The following CYP20A1 variants were observed in gnomAD, a reference collection of about 807,000 sequenced individuals.
The protein encoded by CYP20A1 is cytochrome P450 20A1.
In CYP20A1, 61 loss-of-function variants were observed where a neutral mutation model predicts 61.4. The ratio of observed to expected loss-of-function variants is 0.99; its 90% CI spans 0.81 to 1.23. The LOEUF (loss-of-function observed/expected upper bound fraction) is 1.23. Among genes scored for constraint, CYP20A1 ranks in the 50% most tolerant of loss-of-function variants. The pLI is 0.00. For missense variants in CYP20A1, 530 were observed against 542.4 expected (o/e 0.98, Z 0.23); for synonymous variants, 193 against 188.2 (o/e 1.03, Z -0.21).
At chr2:203,248,102 G>A (rs1482731946) in intron 3 of CYP20A1, among the ~76,000 whole-genome samples, 2 of 152,114 alleles carry the variant, frequency 1.3e-5, no homozygotes, top group Non-Finnish European at 1.5e-5. Flanking sequence ...ACATGTGCCT[G>A]TAGACCTAGC....
At chr2:203,253,813 T>C (rs1169559075) in intron 4 of CYP20A1, among the ~76,000 whole-genome samples, 1 of 152,054 alleles carries the variant, frequency 6.6e-6, no homozygotes, top group African/African-American at 2.4e-5. Context: ...TTTTTTTTTT[T>C]CCTTTAACCT....
At chr2:203,267,903 G>A (rs1024329045) in intron 5 of CYP20A1, among the ~76,000 whole-genome samples, 6 of 150,452 alleles carry the variant, frequency 4.0e-5, no homozygotes, top group African/African-American at 1.2e-4. Flanking sequence ...TCCAGTTGCT[G>A]ATATTTATCC....
chr2:203,271,025 T>C (rs1374451071), intron 5 of CYP20A1, among the ~76,000 whole-genome samples: 2 of 136,016 alleles, frequency 1.5e-5, no homozygotes, highest in Non-Finnish European at 3.1e-5. Context: ...TTTAATAGTT[T>C]GAGTGTATAT....
chr2:203,254,089 G>C (rs1318539056), intron 4 of CYP20A1, among the ~76,000 whole-genome samples: 1 of 128,312 alleles, frequency 7.8e-6, no homozygotes, highest in East Asian at 2.4e-4. Context: ...TGGGATTACA[G>C]GCGCCTGCCA....
chr2:203,278,474 A>G, intron 6 of CYP20A1, 99 bp from the exon 7 acceptor site: 1 of 497,880 alleles, frequency 2.0e-6, no homozygotes, highest in Non-Finnish European at 3.6e-6. Flanking sequence ...CTAACTTTGA[A>G]GGTTTTCTTC....
chr2:203,288,062 T>TCTC (rs55965005), intron 9 of CYP20A1, among the ~76,000 whole-genome samples: 18 of 19,090 alleles, frequency 9.4e-4, no homozygotes, highest in Admixed American at 2.0e-3. Context: ...TCTCTCTCTC[T>TCTC]TTTTTTTTTT....
In CYP20A1 at chr2:203,305,697, T is replaced by A. The variant is rs373993556; in HGVS notation, c.*8789T>A. On this transcript the variant is annotated 3_prime_UTR_variant, in exon 13 of 13. Transcript: ENST00000356079. ...CACTTGATGGTATGAAATGAAATTT[T>A]GTTACTTTACCATTGTAACTATGTC... is the stretch of plus-strand genomic sequence containing the variant. 6.6e-6 allele frequency: 1 copy of A among 152,244 alleles called. No individual in the cohort carries two copies. Among genetic ancestry groups the A allele is most frequent in the African/African-American group, 2.4e-5 (1 of 41,468 alleles). 9.4% of individuals were successfully genotyped at this position (152,244 alleles called of 1,614,324 possible).
At chr2:203,263,285 G>A (rs988482789) in intron 4 of CYP20A1, among the ~76,000 whole-genome samples, 11 of 147,766 alleles carry the variant, frequency 7.4e-5, no homozygotes, top group African/African-American at 2.8e-4. Flanking sequence ...CACTGCGCCT[G>A]GCTTTTTTTT....
chr2:203,271,079 TATA>T (rs1235674735), intron 5 of CYP20A1, among the ~76,000 whole-genome samples: 915 of 69,646 alleles, frequency 0.013, 31 homozygotes, highest in African/African-American at 0.03. Context: ...TATATATATA[TATA>T]TTTTTTTTTT....
chr2:203,257,372 C>T (rs961507956), intron 4 of CYP20A1, among the ~76,000 whole-genome samples: 7 of 151,456 alleles, frequency 4.6e-5, no homozygotes, highest in Non-Finnish European at 7.4e-5. Context: ...TCCTTTCCCT[C>T]TTCTATAACT....
chr2:203,301,994 C>T lies in CYP20A1; in HGVS notation c.*5086C>T, dbSNP rs562366533. Among the ~76,000 whole-genome samples the T allele has an allele frequency of 5.6e-5, 8 of 142,880 alleles. No homozygotes were observed. The South Asian group carries it at 1.4e-3, about 24-fold the overall frequency. 93.7% of individuals were successfully genotyped at this position (142,880 alleles called of 152,430 possible). On this transcript the variant is annotated 3_prime_UTR_variant, in exon 13 of 13. Coordinates refer to ENST00000356079, the MANE Select transcript of CYP20A1 (RefSeq NM_177538.3). ...AGGCTGGAGTGCCATGGCACCATCT[C>T]GGCTCACTGCAACCTCTGCTTCCCA...
At chr2:203,247,569 T>G (rs541790376) in intron 3 of CYP20A1, among the ~76,000 whole-genome samples, 1 of 150,896 alleles carries the variant, frequency 6.6e-6, no homozygotes, top group South Asian at 2.1e-4. Flanking sequence ...CTAAAAAGAG[T>G]ATTAATGGGC....
chr2:203,304,401 G>A lies in CYP20A1; in HGVS notation c.*7493G>A, dbSNP rs2069145025. 6.6e-6 allele frequency among the ~76,000 whole-genome samples: 1 copy of A among 152,236 alleles called. No homozygotes were observed. Among genetic ancestry groups the A allele is most frequent in the East Asian group, 1.9e-4 (1 of 5,136 alleles). ...TTTAGTAGAGACGGGGTTTCACCAT[G>A]TTAGCCAGGATGGTCTTGATCTCCT... On this transcript the variant is annotated 3_prime_UTR_variant, in exon 13 of 13. Transcript: ENST00000356079.
Position 203,296,741 on chromosome 2 carries a change from A to G in CYP20A1, c.1239-17A>G. On this transcript the variant is annotated splice_polypyrimidine_tract_variant and intron_variant, in intron 12 of 12. Coordinates refer to ENST00000356079, the MANE Select transcript of CYP20A1 (RefSeq NM_177538.3). The stretch of plus-strand genomic sequence containing the variant: ...ATTTTTAATCTTTAGTAACTAATTG[A>G]CTTTCTTCCTGACTAGGTTTGCATA... 6.4e-7 allele frequency: 1 copy of G among 1,571,972 alleles called. No homozygotes were observed. Among genetic ancestry groups the G allele is most frequent in the Non-Finnish European group, 8.6e-7 (1 of 1,167,150 alleles).
At chr2:203,242,437 G>A (rs1176777234) in intron 1 of CYP20A1, among the ~76,000 whole-genome samples, 2 of 152,126 alleles carry the variant, frequency 1.3e-5, no homozygotes, top group African/African-American at 4.8e-5. Flanking sequence ...TCTTAAGGTA[G>A]GAGAAATTAC....
At chr2:203,239,211 C>G in intron 1 of CYP20A1, 77 bp downstream of exon 1, 1 of 1,248,186 alleles carries the variant, frequency 8.0e-7, no homozygotes. Flanking sequence ...GCCAACCTGC[C>G]CGCTGCGGGC....
At chr2:203,273,671 C>T (rs745801646) in intron 6 of CYP20A1, among the ~76,000 whole-genome samples, 5 of 151,984 alleles carry the variant, frequency 3.3e-5, no homozygotes, top group South Asian at 2.1e-4. Context: ...AGGCCCAGTG[C>T]GGTAGCTCAC....
intron 5 of CYP20A1, among the ~76,000 whole-genome samples, chr2:203,267,378 AG>A (rs1346798102): frequency 1.4e-5 from 2 of 146,152 alleles, no homozygotes; most frequent in Middle Eastern, 4.2e-3. Context: ...ACTGAAAATA[AG>A]AAAAACTAGC....
chr2:203,246,737 A>C lies in CYP20A1; in HGVS notation c.123-18A>C, dbSNP rs2066470738. ...CAAATTAAATTGATTATTTTGTCAA[A>C]TGTTGCTCTTTTGCCAGAGATGGTA... is the stretch of plus-strand genomic sequence containing the variant. On this transcript the variant is annotated intron_variant, in intron 2 of 12. Coordinates refer to ENST00000356079, the MANE Select transcript of CYP20A1 (RefSeq NM_177538.3). 1.2e-6 allele frequency: 2 copies of C among 1,607,478 alleles called. No homozygotes were observed. Among genetic ancestry groups the C allele is most frequent in the Non-Finnish European group, 1.7e-6 (2 of 1,177,598 alleles).
Sources: gnomAD v4.1 joint callset for allele counts (sites outside exome capture counted in the v4.1 genomes callset) on GRCh38, gnomAD v4.1.1 for gene constraint, MANE v1.5 for transcripts, NCBI Gene and HGNC (gene_info 2026-07-23, HGNC 2026-07-21) for gene names.